Variants in PCDH9 observed in about 807,000 individuals in gnomAD.
The protein encoded by PCDH9 is protocadherin 9, also known as protocadherin-9.
Under a neutral mutation model 70.6 loss-of-function variants are expected in PCDH9, and 24 were observed. That is an observed-to-expected ratio of 0.34 (90% CI 0.25 to 0.48). PCDH9 has a LOEUF of 0.48. Among genes scored for constraint, PCDH9 ranks in the 20% least tolerant of loss-of-function variants. The probability of loss-of-function intolerance (pLI) is 0.99; values close to 1 mark genes in which losing one functional copy is unlikely to be tolerated. For synonymous variants in PCDH9, 562 were observed against 558.5 expected (o/e 1.01, Z -0.09); for missense variants, 1,281 against 1,503.6 (o/e 0.85, Z 2.45).
intron 2 of PCDH9, among the ~76,000 whole-genome samples, chr13:67,001,689 C>T (rs777210834): frequency 2.0e-5 from 3 of 152,150 alleles, no homozygotes; most frequent in Non-Finnish European, 4.4e-5. Flanking sequence ...GCAGAGGGGA[C>T]GGCAGAGTCC....
intron 3 of PCDH9, among the ~76,000 whole-genome samples, chr13:66,825,450 C>A (rs2080805123): frequency 6.8e-6 from 1 of 146,740 alleles, no homozygotes; most frequent in African/African-American, 2.5e-5. Flanking sequence ...CATTCTCCTG[C>A]CTCAGCCTCC....
chr13:66,440,974 T>G (rs896610811), intron 4 of PCDH9, among the ~76,000 whole-genome samples: 1 of 152,184 alleles, frequency 6.6e-6, no homozygotes, highest in Non-Finnish European at 1.5e-5. Context: ...ACAAGCATAA[T>G]TAACTTTAAA....
intron 4 of PCDH9, among the ~76,000 whole-genome samples, chr13:66,373,677 C>T (rs1294989925): frequency 6.6e-6 from 1 of 151,980 alleles, no homozygotes; most frequent in Non-Finnish European, 1.5e-5. Flanking sequence ...ATCTATTAAA[C>T]AGCAACACAA....
chr13:66,565,002 C>T lies in PCDH9; in HGVS notation c.3340+66208G>A, dbSNP rs191529185. ...GGGAGAATATTCTTCCCTTAGGAAG[C>T]TATACAAATATAATGCAATATCATA... On this transcript the variant is annotated intron_variant, in intron 4 of 4. Transcript: ENST00000377865. 6.0e-4 allele frequency among the ~76,000 whole-genome samples: 92 copies of T among 152,068 alleles called. 1 individual carries two copies. Among genetic ancestry groups the T allele is most frequent in the African/African-American group, 2.1e-3 (89 of 41,532 alleles).
At chr13:66,787,102 A>G (rs1566194013) in intron 3 of PCDH9, among the ~76,000 whole-genome samples, 1 of 152,200 alleles carries the variant, frequency 6.6e-6, no homozygotes, top group African/African-American at 2.4e-5. Context: ...AGAATAAATT[A>G]TGGATTCCTA....
chr13:66,688,850 T>C (rs916488892), intron 3 of PCDH9, among the ~76,000 whole-genome samples: 3 of 152,302 alleles, frequency 2.0e-5, no homozygotes, highest in Admixed American at 6.5e-5. Context: ...ATGGCATACA[T>C]AGCAAGACAT....
intron 3 of PCDH9, among the ~76,000 whole-genome samples, chr13:66,670,418 G>A (rs7322088): frequency 0.12 from 18,982 of 152,014 alleles, 1,250 homozygotes; most frequent in African/African-American, 0.17. Flanking sequence ...ATGAAAGAAC[G>A]AAAGAATTGA....
At chr13:66,663,240 C>T (rs2078042703) in intron 3 of PCDH9, among the ~76,000 whole-genome samples, 1 of 152,082 alleles carries the variant, frequency 6.6e-6, no homozygotes, top group Admixed American at 6.6e-5. Flanking sequence ...GTCCTGGATA[C>T]TTAACATAAA....
chr13:66,372,398 T>G (rs1294438945), intron 4 of PCDH9, among the ~76,000 whole-genome samples: 1 of 151,712 alleles, frequency 6.6e-6, no homozygotes, highest in Non-Finnish European at 1.5e-5. Context: ...TAAGTATGTT[T>G]TATAAATTTC....
At chr13:66,746,944 T>A (rs1259311507) in intron 3 of PCDH9, among the ~76,000 whole-genome samples, 1 of 152,184 alleles carries the variant, frequency 6.6e-6, no homozygotes, top group Non-Finnish European at 1.5e-5. Flanking sequence ...TCGTGATTTG[T>A]GAGATTTCTT....
intron 1 of PCDH9, 72 bp from the exon 2 acceptor site, chr13:67,228,647 A>G: frequency 2.4e-6 from 1 of 418,916 alleles, no homozygotes; most frequent in Non-Finnish European, 4.3e-6. Flanking sequence ...ATATCACCAC[A>G]CATTTTCCCC....
chr13:66,473,169 C>T (rs1054973705), intron 4 of PCDH9, among the ~76,000 whole-genome samples: 33 of 151,686 alleles, frequency 2.2e-4, no homozygotes, highest in African/African-American at 7.3e-4. Context: ...CTAAATCTTA[C>T]AAAAGAAATA....
chr13:66,932,270 T>G (rs1205829360), intron 2 of PCDH9, among the ~76,000 whole-genome samples: 1 of 152,140 alleles, frequency 6.6e-6, no homozygotes, highest in African/African-American at 2.4e-5. Context: ...CTTTCCCGTG[T>G]CTCAGTTTTT....
chr13:66,330,958 T>C (rs184639430), intron 4 of PCDH9, among the ~76,000 whole-genome samples: 52 of 152,288 alleles, frequency 3.4e-4, no homozygotes, highest in Admixed American at 6.5e-4. Context: ...TGTTGCAGGA[T>C]ATTTTATTTA....
intron 2 of PCDH9, among the ~76,000 whole-genome samples, chr13:67,081,781 C>G (rs1483751218): frequency 6.6e-6 from 1 of 152,134 alleles, no homozygotes; most frequent in African/African-American, 2.4e-5. Context: ...TTATTAATAT[C>G]TGAAATGTAA....
intron 4 of PCDH9, among the ~76,000 whole-genome samples, chr13:66,576,428 T>C (rs2076816400): frequency 6.6e-6 from 1 of 152,052 alleles, no homozygotes; most frequent in African/African-American, 2.4e-5. Context: ...ATAGGGCCTC[T>C]GGAGGAATCT....
intron 3 of PCDH9, among the ~76,000 whole-genome samples, chr13:66,682,794 CT>C (rs2078346138): frequency 6.6e-6 from 1 of 152,076 alleles, no homozygotes; most frequent in African/African-American, 2.4e-5. Flanking sequence ...ACTTTCAAAG[CT>C]GTATCAGAGT....
chr13:66,484,160 C>T (rs1958896395), intron 4 of PCDH9, among the ~76,000 whole-genome samples: 1 of 152,052 alleles, frequency 6.6e-6, no homozygotes, highest in African/African-American at 2.4e-5. Flanking sequence ...TCCTCTATAC[C>T]AAGGCGAGAA....
intron 4 of PCDH9, among the ~76,000 whole-genome samples, chr13:66,307,688 C>A (rs1407432445): frequency 6.6e-6 from 1 of 151,886 alleles, no homozygotes; most frequent in Non-Finnish European, 1.5e-5. Context: ...TTACTGGCTA[C>A]CTCAGAAATG....
Sources: gnomAD v4.1 joint callset for allele counts (sites outside exome capture counted in the v4.1 genomes callset) on GRCh38, gnomAD v4.1.1 for gene constraint, MANE v1.5 for transcripts, NCBI Gene and HGNC (gene_info 2026-07-23, HGNC 2026-07-21) for gene names.